Variants in RORA observed in about 807,000 individuals in gnomAD.
RORA encodes nuclear receptor ROR-alpha.
In RORA, 7 loss-of-function variants were observed where a neutral mutation model predicts 69.5. That is an observed-to-expected ratio of 0.10 (90% CI 0.06 to 0.19). The LOEUF is 0.19. Ranked by LOEUF, RORA falls within the 10% of genes least tolerant of loss-of-function variation. The pLI, the probability that RORA is intolerant of heterozygous loss-of-function variation, is 1.00. For missense variants in RORA, 457 were observed against 663.0 expected (o/e 0.69, Z 3.41); for synonymous variants, 261 against 240.8 (o/e 1.08, Z -0.78).
At chr15:61,022,249 A>C (rs1895564668) in intron 1 of RORA, among the ~76,000 whole-genome samples, 1 of 152,216 alleles carries the variant, frequency 6.6e-6, no homozygotes, top group Non-Finnish European at 1.5e-5. Flanking sequence ...GGGACCACTG[A>C]GTGAGCTAAT....
chr15:60,675,251 G>A (rs2070536180), intron 2 of RORA, among the ~76,000 whole-genome samples: 1 of 152,180 alleles, frequency 6.6e-6, no homozygotes, highest in Non-Finnish European at 1.5e-5. Flanking sequence ...TTATCTGCAT[G>A]GTGGCTATTT....
chr15:60,825,632 T>C (rs341382), intron 1 of RORA, among the ~76,000 whole-genome samples: 29,005 of 152,194 alleles, frequency 0.19, 3,386 homozygotes, highest in Non-Finnish European at 0.26. Context: ...CTTCACGTGC[T>C]GTGATGCCAC....
In RORA at chr15:60,614,889, C is replaced by T. The variant is rs746415560; in HGVS notation, c.196+63768G>A. On this transcript the variant is annotated intron_variant, in intron 2 of 10. Transcript: ENST00000335670. ...TGGAGCATAGTAAGCTCTCAAATAA[C>T]GCACCTTTTCTCAATGCAGGGAGCA... 34 of 1,609,818 alleles carry T rather than the reference C, an allele frequency of 2.1e-5. No homozygotes were observed. The East Asian group carries it at 3.4e-4, about 16-fold the overall frequency.
intron 2 of RORA, among the ~76,000 whole-genome samples, chr15:60,633,204 C>A (rs1265590526): frequency 1.3e-5 from 2 of 152,220 alleles, no homozygotes; most frequent in Non-Finnish European, 2.9e-5. Flanking sequence ...AGCAATGCTG[C>A]ACTTTTCACA....
At position 60,540,574 on chromosome 15, in the gene RORA, C is replaced by CAGCCG. The variant is rs376142482; in HGVS notation, c.197-8724_197-8723insCGGCT. Among the ~76,000 whole-genome samples, 2 of 102,646 alleles carry CAGCCG rather than the reference C, an allele frequency of 1.9e-5. 1 individual carries two copies. The highest frequency in any genetic ancestry group is 3.9e-5 in the Non-Finnish European group (2 of 51,910). The allele number at this position is 102,646 out of a possible 152,430, so 67.3% of individuals were successfully genotyped here. ...TGCACAATTTCCATGACCCCCCCCC[C>CAGCCG]CCAAAACTGTGCGGTCACAAAACCC... On this transcript the variant is annotated intron_variant, in intron 2 of 10. Coordinates refer to ENST00000335670, the MANE Select transcript of RORA (RefSeq NM_134261.3).
At chr15:60,569,401 C>T (rs1464428604) in intron 2 of RORA, among the ~76,000 whole-genome samples, 2 of 152,010 alleles carry the variant, frequency 1.3e-5, no homozygotes, top group Admixed American at 6.6e-5. Context: ...TGCACTCCAG[C>T]CTGTGAGACC....
At chr15:61,111,708 G>A (rs1224310418) in intron 1 of RORA, among the ~76,000 whole-genome samples, 1 of 116,760 alleles carries the variant, frequency 8.6e-6, no homozygotes, top group Non-Finnish European at 1.7e-5. Flanking sequence ...TATCACAGAC[G>A]GAAAATAAAA....
rs398027555 is a variant in RORA at position 60,802,957 on chromosome 15, TAA to T, written c.167-124273_167-124272del. 5.3e-5 allele frequency among the ~76,000 whole-genome samples: 8 copies of T among 149,652 alleles called. No individual in the cohort carries two copies. The East Asian group carries it at 7.9e-4, about 15-fold the overall frequency. On this transcript the variant is annotated intron_variant, in intron 1 of 10. Coordinates refer to ENST00000335670, the MANE Select transcript of RORA (RefSeq NM_134261.3). ...AAACCTAAATGTTTTGTTTCTTTTT[TAA>T]AAAAAAAAATTTAAAGCCATACCAC...
chr15:60,770,546 C>A (rs2072058171), intron 1 of RORA, among the ~76,000 whole-genome samples: 1 of 152,168 alleles, frequency 6.6e-6, no homozygotes. Context: ...TTAGATGGGG[C>A]ATAAAATTTC....
intron 1 of RORA, among the ~76,000 whole-genome samples, chr15:61,089,389 T>A (rs537088411): frequency 3.3e-5 from 5 of 152,312 alleles, no homozygotes; most frequent in Middle Eastern, 6.8e-3. Flanking sequence ...TGTAGCTTTG[T>A]TCATTGCTTT....
chr15:60,747,607 T>C (rs554341838), intron 1 of RORA, among the ~76,000 whole-genome samples: 116 of 152,284 alleles, frequency 7.6e-4, no homozygotes, highest in African/African-American at 2.6e-3. Context: ...TTTCAGAATT[T>C]CAGAATAGGT....
chr15:60,604,580 T>G (rs1596045803), intron 2 of RORA, among the ~76,000 whole-genome samples: 1 of 152,212 alleles, frequency 6.6e-6, no homozygotes, highest in African/African-American at 2.4e-5. Flanking sequence ...GAAACATACC[T>G]GTCTTACTCG....
chr15:60,814,848 T>C (rs2072788197), intron 1 of RORA, among the ~76,000 whole-genome samples: 1 of 152,138 alleles, frequency 6.6e-6, no homozygotes, highest in African/African-American at 2.4e-5. Context: ...GCACATGTAT[T>C]AGGATTGCTT....
At chr15:61,034,962 A>T (rs1424624839) in intron 1 of RORA, among the ~76,000 whole-genome samples, 3 of 152,198 alleles carry the variant, frequency 2.0e-5, no homozygotes, top group African/African-American at 7.2e-5. Flanking sequence ...ATTCAGAAAA[A>T]TTCAACTATG....
At chr15:61,210,058 G>A (rs2140935906) in intron 1 of RORA, among the ~76,000 whole-genome samples, 1 of 152,320 alleles carries the variant, frequency 6.6e-6, no homozygotes, top group Non-Finnish European at 1.5e-5. Flanking sequence ...TCAGGTCTCT[G>A]TGTGTACAGG....
chr15:60,532,817 A>T (rs747892306), intron 2 of RORA, among the ~76,000 whole-genome samples: 1 of 152,204 alleles, frequency 6.6e-6, no homozygotes, highest in South Asian at 2.1e-4. Context: ...CATTACGCTA[A>T]ATTCATTTTC....
intron 1 of RORA, among the ~76,000 whole-genome samples, chr15:60,745,636 C>T (rs912279862): frequency 2.6e-5 from 4 of 152,172 alleles, no homozygotes; most frequent in African/African-American, 9.7e-5. Flanking sequence ...CTTTCCTGGC[C>T]GCCTCAACAC....
At chr15:60,745,637 G>A (rs536296852) in intron 1 of RORA, among the ~76,000 whole-genome samples, 20 of 152,328 alleles carry the variant, frequency 1.3e-4, no homozygotes, top group African/African-American at 4.8e-4. Context: ...TTTCCTGGCC[G>A]CCTCAACACA....
At chr15:61,228,824 G>A (rs1844814247) in intron 1 of RORA, among the ~76,000 whole-genome samples, 1 of 151,112 alleles carries the variant, frequency 6.6e-6, no homozygotes, top group Admixed American at 6.6e-5. Flanking sequence ...CCTTCCCGCC[G>A]CCTCCCCCGC....
Sources: allele counts gnomAD v4.1 joint callset (sites outside exome capture counted in the v4.1 genomes callset), GRCh38; gene constraint gnomAD v4.1.1; transcripts MANE v1.5; gene names NCBI Gene and HGNC (gene_info 2026-07-23, HGNC 2026-07-21).